The following ZNF804B variants were observed in gnomAD, a reference collection of about 807,000 sequenced individuals.
ZNF804B encodes the protein zinc finger protein 804B, also known as zinc finger 804B.
A neutral mutation model predicts 101.4 loss-of-function variants in ZNF804B; 80 were observed. The ratio of observed to expected loss-of-function variants is 0.79; its 90% confidence interval spans 0.66 to 0.95. The LOEUF (loss-of-function observed/expected upper bound fraction) is 0.95, where lower values mean the gene tolerates loss of function less well. ZNF804B is among the 40% of genes least tolerant of loss of function. ZNF804B has a pLI of 0.00. For synonymous variants in ZNF804B, 622 were observed against 558.8 expected, an observed-to-expected ratio of 1.11 and a Z score of -1.59; for missense variants, 1,673 against 1,561.9, an observed-to-expected ratio of 1.07 and a Z score of -1.20.
At chr7:88,939,853 C>A (rs1308161182) in intron 1 of ZNF804B, among the ~76,000 whole-genome samples, 1 of 151,282 alleles carries the variant, frequency 6.6e-6, no homozygotes, top group Non-Finnish European at 1.5e-5. Context: ...GGAACATACA[C>A]CACTCCTGAA....
At chr7:89,244,034 C>T (rs1789409915) in intron 2 of ZNF804B, among the ~76,000 whole-genome samples, 1 of 151,870 alleles carries the variant, frequency 6.6e-6, no homozygotes, top group African/African-American at 2.4e-5. Flanking sequence ...TTTTACTACC[C>T]CTTTAAAATT....
chr7:88,962,507 G>A (rs1793399950), intron 1 of ZNF804B, among the ~76,000 whole-genome samples: 1 of 150,664 alleles, frequency 6.6e-6, no homozygotes, highest in African/African-American at 2.4e-5. Flanking sequence ...TCCTAACGAG[G>A]TGGCTGCGAA....
At chr7:88,938,212 G>T (rs1157583650) in intron 1 of ZNF804B, among the ~76,000 whole-genome samples, 1 of 151,978 alleles carries the variant, frequency 6.6e-6, no homozygotes, top group Non-Finnish European at 1.5e-5. Flanking sequence ...GATAGAAAGG[G>T]AATGTTCAGG....
At chr7:89,098,503 A>G (rs1562884143) in intron 1 of ZNF804B, among the ~76,000 whole-genome samples, 1 of 151,812 alleles carries the variant, frequency 6.6e-6, no homozygotes, top group Non-Finnish European at 1.5e-5. Context: ...GAAACTCCTG[A>G]CCTCGTGATC....
intron 2 of ZNF804B, among the ~76,000 whole-genome samples, chr7:89,321,255 C>T (rs548212914): frequency 1.8e-3 from 275 of 152,050 alleles, no homozygotes; most frequent in Non-Finnish European, 3.1e-3. Flanking sequence ...CTGAGGCGGG[C>T]GGATCACGAG....
intron 1 of ZNF804B, among the ~76,000 whole-genome samples, chr7:88,946,926 A>G (rs1793142205): frequency 6.6e-6 from 1 of 152,006 alleles, no homozygotes; most frequent in Non-Finnish European, 1.5e-5. Context: ...GCTCATCATC[A>G]CTTGTCATTA....
At chr7:88,978,233 A>T (rs920675665) in intron 1 of ZNF804B, among the ~76,000 whole-genome samples, 6 of 151,582 alleles carry the variant, frequency 4.0e-5, no homozygotes, top group Non-Finnish European at 8.9e-5. Flanking sequence ...TCTGTAAATT[A>T]GGTCTATTTT....
chr7:89,249,969 C>A (rs959145752), intron 2 of ZNF804B, among the ~76,000 whole-genome samples: 1 of 152,054 alleles, frequency 6.6e-6, no homozygotes, highest in African/African-American at 2.4e-5. Flanking sequence ...TGGTGAATCA[C>A]AAGTTGAGGA....
rs1410153686 is a variant in ZNF804B at position 89,218,185 on chromosome 7, G to T, written c.139G>T (p.Ala47Ser). The T allele has an allele frequency of 1.2e-6, 2 of 1,613,558 alleles. No individual in the cohort carries two copies. Among genetic ancestry groups the T allele is most frequent in the Non-Finnish European group, 1.7e-6 (2 of 1,179,750 alleles). Reference protein sequence around the residue: ...DFAEKKSTAKALEDVKANFYC... With the variant: ...DFAEKKSTAKSLEDVKANFYC... ...TGCAGAAAAGAAGTCCACAGCAAAGGCCCTGGAAGATGTAAAGGCAAACTT... is the reference window on the plus strand; with the variant it reads ...TGCAGAAAAGAAGTCCACAGCAAAGTCCCTGGAAGATGTAAAGGCAAACTT... Residue 47 changes from alanine to serine, a missense_variant, in exon 2 of 4, where the codon GCC (alanine) becomes TCC (serine). Coordinates refer to ENST00000333190, the MANE Select transcript of ZNF804B (RefSeq NM_181646.5).
chr7:88,810,129 G>A (rs916237479), intron 1 of ZNF804B, among the ~76,000 whole-genome samples: 1 of 151,992 alleles, frequency 6.6e-6, no homozygotes, highest in African/African-American at 2.4e-5. Context: ...GCGTACAGAT[G>A]TGTTTAGTTT....
At chr7:88,803,277 T>A (rs983336923) in intron 1 of ZNF804B, among the ~76,000 whole-genome samples, 28 of 152,138 alleles carry the variant, frequency 1.8e-4, no homozygotes, top group African/African-American at 6.8e-4. Context: ...GTAGAACTTG[T>A]AGAATGATGG....
chr7:89,153,414 A>AATGATGATGATG (rs542991833), intron 1 of ZNF804B, among the ~76,000 whole-genome samples: 1 of 140,834 alleles, frequency 7.1e-6, no homozygotes, highest in African/African-American at 2.6e-5. Context: ...CACTACTACT[A>AATGATGATGATG]ATGATGATGA....
intron 1 of ZNF804B, among the ~76,000 whole-genome samples, chr7:88,874,575 T>C: frequency 6.6e-6 from 1 of 152,014 alleles, no homozygotes; most frequent in African/African-American, 2.4e-5. Context: ...GCTTCCAGTT[T>C]TTGCCCATTC....
At chr7:88,932,975 C>G (rs917955457) in intron 1 of ZNF804B, among the ~76,000 whole-genome samples, 1 of 151,492 alleles carries the variant, frequency 6.6e-6, no homozygotes, top group African/African-American at 2.4e-5. Flanking sequence ...ATACCAAAAC[C>G]ATGAAAGCAC....
At chr7:88,853,679 G>A (rs918368907) in intron 1 of ZNF804B, among the ~76,000 whole-genome samples, 28 of 152,160 alleles carry the variant, frequency 1.8e-4, no homozygotes, top group African/African-American at 6.3e-4. Context: ...TTGTATAAAT[G>A]TGTATATATA....
intron 2 of ZNF804B, among the ~76,000 whole-genome samples, chr7:89,228,068 G>A (rs370634082): frequency 3.9e-5 from 6 of 152,080 alleles, no homozygotes; most frequent in African/African-American, 7.2e-5. Context: ...AGACCCTCGC[G>A]GTGAGTGTTA....
chr7:89,005,631 T>G (rs1234431981), intron 1 of ZNF804B, among the ~76,000 whole-genome samples: 3 of 152,212 alleles, frequency 2.0e-5, no homozygotes, highest in Non-Finnish European at 4.4e-5. Flanking sequence ...CTCTTACAAA[T>G]CCTAGATCCA....
At chr7:89,132,294 T>A (rs542229359) in intron 1 of ZNF804B, among the ~76,000 whole-genome samples, 20 of 151,830 alleles carry the variant, frequency 1.3e-4, no homozygotes, top group Non-Finnish European at 2.5e-4. Context: ...ACTGGAATAC[T>A]GCAGAGGAAT....
intron 1 of ZNF804B, among the ~76,000 whole-genome samples, chr7:89,105,040 C>A (rs562857881): frequency 7.2e-5 from 11 of 152,102 alleles, no homozygotes. Context: ...AAGAATGGAA[C>A]AATTCGCTTA....
Sources: gnomAD v4.1 joint callset for allele counts (sites outside exome capture counted in the v4.1 genomes callset) on GRCh38, gnomAD v4.1.1 for gene constraint, MANE v1.5 for transcripts, NCBI Gene and HGNC (gene_info 2026-07-23, HGNC 2026-07-21) for gene names.